The following PKD1L1 variants were observed in gnomAD, a reference collection of about 807,000 sequenced individuals.
PKD1L1 encodes the protein polycystin-1-like protein 1.
A neutral mutation model predicts 323.4 loss-of-function variants in PKD1L1; 236 were observed. The observed-to-expected ratio is 0.73, with a 90% confidence interval of 0.66 to 0.81. The LOEUF (loss-of-function observed/expected upper bound fraction) is 0.81, where lower values mean the gene tolerates loss of function less well. PKD1L1 is among the 40% of genes least tolerant of loss of function. The probability of loss-of-function intolerance (pLI) is 0.00; values close to 1 mark genes in which losing one functional copy is unlikely to be tolerated. For synonymous variants in PKD1L1, 1,344 were observed against 1,335.0 expected, an observed-to-expected ratio of 1.01 and a Z score of -0.15; for missense variants, 3,320 against 3,508.0, an observed-to-expected ratio of 0.95 and a Z score of 1.35.
At chr7:47,951,882 T>C (rs1788209961), upstream of PKD1L1, among the ~76,000 whole-genome samples, 1 of 152,222 alleles carries the variant, frequency 6.6e-6, no homozygotes, top group African/African-American at 2.4e-5. Context: ...TCTCATCTTC[T>C]GCCTGCTTCA....
At position 47,837,219 on chromosome 7, in the gene PKD1L1, C is replaced by T. The variant is rs1368794019; in HGVS notation, c.5770-125G>A. 9.2e-6 allele frequency: 10 copies of T among 1,092,734 alleles called. No homozygotes were observed. In the African/African-American group the frequency reaches 1.5e-4, roughly 17 times the overall value. The allele number at this position is 1,092,734 out of a possible 1,614,324, so 67.7% of individuals were successfully genotyped here. The stretch of plus-strand genomic sequence containing the variant: ...CTTTCTGGTTCTTCCATCCTAGCTG[C>T]TTAGCTGTGTACCAGGTGGGCTGTG... On this transcript the variant is annotated intron_variant, in intron 36 of 56. Coordinates refer to ENST00000289672, the MANE Select transcript of PKD1L1 (RefSeq NM_138295.5).
In PKD1L1 at chr7:47,945,166, C is replaced by T. The variant is rs966090429; in HGVS notation, c.45-1655G>A. ...CCAGGACTGTCATTCTAGAAAGGGC[C>T]GCCCTGTATTAGCTAAATGCTTGGT... On this transcript the variant is annotated intron_variant, in intron 1 of 56. Transcript: ENST00000289672. Among the ~76,000 whole-genome samples the T allele has an allele frequency of 5.3e-5, 8 of 152,150 alleles. 1 individual carries two copies. The highest frequency in any genetic ancestry group is 2.1e-4 in the South Asian group (1 of 4,828).
intron 45 of PKD1L1, 76 bp from the exon 46 acceptor site, chr7:47,821,262 A>T: frequency 1.3e-6 from 1 of 749,258 alleles, no homozygotes; most frequent in Non-Finnish European, 2.2e-6. Context: ...TTTGCAAAAG[A>T]TTTATTATTA....
At position 47,800,640 on chromosome 7, in the gene PKD1L1, T is replaced by TTTAC; in HGVS notation, c.8193+5_8193+8dup. 1 of 1,612,276 alleles carries TTTAC rather than the reference T, an allele frequency of 6.2e-7. No individual in the cohort carries two copies. The highest frequency in any genetic ancestry group is 8.5e-7 in the Non-Finnish European group (1 of 1,178,368). ...CCATAACTTGAAAGTTGGGGATGTG[T>TTTAC]TTACTTACCATTCCAAAACACAGTG... On this transcript the variant is annotated intron_variant, in intron 54 of 56. Transcript: ENST00000289672.
the PKD1L1 span, among the ~76,000 whole-genome samples, chr7:47,956,342 C>T: frequency 6.6e-6 from 1 of 152,166 alleles, no homozygotes; most frequent in Non-Finnish European, 1.5e-5. Context: ...CACTATGGTC[C>T]TTTCCCCCTG....
At position 47,902,509 on chromosome 7, in the gene PKD1L1, T is replaced by C; in HGVS notation, c.1934A>G (p.Glu645Gly). ...SSSSSHVYSR[E>G]GEFTVEVLAF... ...AAGGACCTCCACTGTAAATTCTCCTTCCCTGGGACGGTGGAAAGCACAGAA... is the reference window on the plus strand; with the variant it reads ...AAGGACCTCCACTGTAAATTCTCCTCCCCTGGGACGGTGGAAAGCACAGAA... The change falls in exon 13 of 57, where the codon GAA (glutamate) becomes GGA (glycine). Residue 645 changes from glutamate (E) to glycine (G), a missense_variant and splice_region_variant. Physicochemically the swap from Glu to Gly is moderately conservative, Grantham distance 98. Coordinates refer to ENST00000289672, the MANE Select transcript of PKD1L1 (RefSeq NM_138295.5). 1.2e-6 allele frequency: 2 copies of C among 1,613,612 alleles called. No homozygotes were observed. The highest frequency in any genetic ancestry group is 1.7e-6 in the Non-Finnish European group (2 of 1,179,834).
chr7:47,796,186 T>G, intron 54 of PKD1L1, 36 bp from the exon 55 acceptor site: 1 of 1,503,500 alleles, frequency 6.7e-7, no homozygotes, highest in Non-Finnish European at 9.0e-7. Flanking sequence ...AAATTTCATG[T>G]TAGCAGCCTA....
At chr7:47,819,630 A>G in intron 46 of PKD1L1, 3 of 1,274,612 alleles carry the variant, frequency 2.4e-6, no homozygotes, top group Non-Finnish European at 3.2e-6. Context: ...TTTCACTATT[A>G]CAATGCTCAG....
At chr7:47,854,860 G>GGTT in intron 30 of PKD1L1, 22 bp downstream of exon 30, 1 of 1,611,408 alleles carries the variant, frequency 6.2e-7, no homozygotes, top group Non-Finnish European at 8.5e-7. Flanking sequence ...CAATCTCATT[G>GGTT]TAGCTGTCAC....
rs747757365 is a variant in PKD1L1 at position 47,915,500 on chromosome 7, T to C, written c.1160A>G (p.Glu387Gly). Reference protein sequence around the residue: ...TTLNVYLCQSENSCLEDSDPS... With the variant: ...TTLNVYLCQSGNSCLEDSDPS... Reference sequence around the variant, plus strand: ...GTCTGAGTCTTCCAGGCAGCTGTTTTCACTTTGGCACAAGTAAACATTTAA... The same window carrying C: ...GTCTGAGTCTTCCAGGCAGCTGTTTCCACTTTGGCACAAGTAAACATTTAA... The change falls in exon 8 of 57, where the codon GAA (glutamate) becomes GGA (glycine). Residue 387 changes from glutamate (E) to glycine (G), a missense_variant. Coordinates refer to ENST00000289672, the MANE Select transcript of PKD1L1 (RefSeq NM_138295.5). 2 of 1,408,910 alleles carry C rather than the reference T, an allele frequency of 1.4e-6. No individual in the cohort carries two copies. The highest frequency in any genetic ancestry group is 2.0e-6 in the Non-Finnish European group (2 of 993,016). 87.3% of individuals were successfully genotyped at this position (1,408,910 alleles called of 1,614,324 possible).
At chr7:47,854,049 C>CT (rs1785844380) in intron 30 of PKD1L1, among the ~76,000 whole-genome samples, 1 of 152,182 alleles carries the variant, frequency 6.6e-6, no homozygotes. Context: ...CTGCATGTGA[C>CT]TTAAAGAATT....
chr7:47,929,551 A>G (rs753876392), intron 6 of PKD1L1, 25 bp from the exon 7 acceptor site: 1 of 1,583,800 alleles, frequency 6.3e-7, no homozygotes, highest in Non-Finnish European at 8.6e-7. Context: ...GAGAGGCTTC[A>G]GATTTCATGA....
intron 7 of PKD1L1, among the ~76,000 whole-genome samples, chr7:47,924,815 A>G (rs1424231353): frequency 1.3e-5 from 2 of 152,224 alleles, no homozygotes; most frequent in African/African-American, 2.4e-5. Context: ...ATTCTACAAA[A>G]GCAGTTCAAA....
chr7:47,943,319 A>T (rs1282810324), intron 2 of PKD1L1, 77 bp downstream of exon 2: 1 of 1,174,844 alleles, frequency 8.5e-7, no homozygotes, highest in Non-Finnish European at 1.3e-6. Context: ...TCCCATGTGG[A>T]AGATGTCCTG....
chr7:47,788,953 C>T (rs991920187), intron 56 of PKD1L1, among the ~76,000 whole-genome samples: 1 of 152,010 alleles, frequency 6.6e-6, no homozygotes, highest in Non-Finnish European at 1.5e-5. Flanking sequence ...CTCATATGAT[C>T]ATGGGATATA....
At chr7:47,915,748 C>A (rs192037533) in intron 7 of PKD1L1, 149 bp from the exon 8 acceptor site, 5 of 523,862 alleles carry the variant, frequency 9.5e-6, no homozygotes, top group Non-Finnish European at 1.6e-5. Context: ...AGAAATACAA[C>A]GAAATAAAAA....
At chr7:47,826,537 T>C (rs1785243161) in intron 45 of PKD1L1, among the ~76,000 whole-genome samples, 1 of 152,152 alleles carries the variant, frequency 6.6e-6, no homozygotes, top group South Asian at 2.1e-4. Flanking sequence ...TTAAGGAAGA[T>C]GGTTGGAAGT....
chr7:47,952,710 T>A (rs1376748204), upstream of PKD1L1, among the ~76,000 whole-genome samples: 2 of 152,186 alleles, frequency 1.3e-5, no homozygotes, highest in East Asian at 3.9e-4. Context: ...GTTATTGAAG[T>A]ATCATGATTT....
rs1784826381 is a variant in PKD1L1 at position 47,808,379 on chromosome 7, C to T, written c.7695G>A (p.Val2565=). ...RKPRNWLELS[V]VGVSLTYYAV... is the part of the protein sequence containing the mutation. ...CATAGTAGGTGAGGCTCACTCCAAC[C>T]ACGGAGAGCTGGAACATCCAAGAGA... Residue 2565 remains valine, a synonymous_variant, in exon 52 of 57, where the codon GTG becomes GTA. Coordinates refer to ENST00000289672, the MANE Select transcript of PKD1L1 (RefSeq NM_138295.5). 6.2e-7 allele frequency: 1 copy of T among 1,613,962 alleles called. No individual in the cohort carries two copies. Among genetic ancestry groups the T allele is most frequent in the Admixed American group, 1.7e-5 (1 of 59,998 alleles).
Sources: gnomAD v4.1 joint callset for allele counts (sites outside exome capture counted in the v4.1 genomes callset) on GRCh38, gnomAD v4.1.1 for gene constraint, MANE v1.5 for transcripts, NCBI Gene and HGNC (gene_info 2026-07-23, HGNC 2026-07-21) for gene names.